SEMA5B: variants seen among roughly 807,000 people sequenced by gnomAD.
The protein encoded by SEMA5B is semaphorin-5B.
Under a neutral mutation model 135.0 loss-of-function variants are expected in SEMA5B, and 66 were observed. The ratio of observed to expected loss-of-function variants is 0.49; its 90% CI spans 0.40 to 0.60. The LOEUF (loss-of-function observed/expected upper bound fraction) is 0.60, where lower values mean the gene tolerates loss of function less well. SEMA5B is among the 20% of genes least tolerant of loss of function. The probability of loss-of-function intolerance (pLI) is 0.00; values close to 1 mark genes in which losing one functional copy is unlikely to be tolerated. For synonymous variants in SEMA5B, 690 were observed against 639.5 expected (o/e 1.08, Z -1.19); for missense variants, 1,501 against 1,566.3 (o/e 0.96, Z 0.70).
intron 8 of SEMA5B, among the ~76,000 whole-genome samples, chr3:122,927,542 A>G (rs541215031): frequency 6.6e-6 from 1 of 152,180 alleles, no homozygotes; most frequent in South Asian, 2.1e-4. Context: ...ATTCCTAATT[A>G]TCTCCGTCTC....
rs776019375 is a variant in SEMA5B at position 122,943,534 on chromosome 3, G to A, written c.330C>T (p.Asp110=). The change falls in exon 4 of 23, where the codon GAC becomes GAT. Residue 110 remains aspartate, a splice_region_variant and synonymous_variant. Transcript: ENST00000357599. ...LSKHPTVAFE[D]LQPWVSNFTY... ...TGAAGTTAGAGACCCACGGCTGCAG[G>A]TCTGGTGGAGGGAGAGGCAACCCTG... 1 of 1,603,862 alleles carries A rather than the reference G, an allele frequency of 6.2e-7. No individual in the cohort carries two copies. Among genetic ancestry groups the A allele is most frequent in the Admixed American group, 1.7e-5 (1 of 58,452 alleles).
chr3:122,997,877 G>C (rs1359059267), intron 1 of SEMA5B, among the ~76,000 whole-genome samples: 1 of 152,044 alleles, frequency 6.6e-6, no homozygotes, highest in Admixed American at 6.5e-5. Context: ...CTCCTCGCTG[G>C]GTCTTGTTAT....
intron 12 of SEMA5B, among the ~76,000 whole-genome samples, chr3:122,921,037 G>T (rs923705028): frequency 6.6e-6 from 1 of 152,030 alleles, no homozygotes; most frequent in Non-Finnish European, 1.5e-5. Flanking sequence ...GCTCCTCTTG[G>T]CCCCACAGGC....
intron 1 of SEMA5B, among the ~76,000 whole-genome samples, chr3:123,023,398 C>A (rs1461557928): frequency 6.6e-6 from 1 of 151,718 alleles, no homozygotes; most frequent in African/African-American, 2.4e-5. Context: ...CTGAATGAGG[C>A]AAAAGATGGT....
At chr3:122,969,227 A>AGCCG (rs1941010252) in intron 1 of SEMA5B, among the ~76,000 whole-genome samples, 1 of 152,214 alleles carries the variant, frequency 6.6e-6, no homozygotes, top group African/African-American at 2.4e-5. Context: ...GAAGTGGCAG[A>AGCCG]GCCGGATCTG....
At chr3:122,961,443 A>G in intron 1 of SEMA5B, 142 bp from the exon 2 acceptor site, 1 of 752,112 alleles carries the variant, frequency 1.3e-6, no homozygotes, top group African/African-American at 1.8e-5. Flanking sequence ...ACAAATCACC[A>G]CAGTAATGGC....
intron 1 of SEMA5B, among the ~76,000 whole-genome samples, chr3:123,023,345 C>CAG (rs937918226): frequency 3.3e-5 from 5 of 152,014 alleles, no homozygotes; most frequent in African/African-American, 1.2e-4. Flanking sequence ...CACACACACA[C>CAG]ACACACACAC....
rs764863234 is a variant in SEMA5B, at chr3:122,927,901, G to C, written c.739C>G (p.Leu247Val). Residue 247 changes from leucine (L) to valine (V), a missense_variant, in exon 8 of 23, where the codon CTC (leucine) becomes GTC (valine). This residue lies in a region of SEMA5B where 574 missense variants were observed against 684.7 expected (regional missense o/e 0.84). Transcript: ENST00000357599. ...AAGTCGATGACCGTGGCTGCATAGA[G>C]CTCCCCCTGGGAGGAGATGACAGCT... Reference protein sequence around the residue: ...STAVISSQGELYAATVIDFSG... With the variant: ...STAVISSQGEVYAATVIDFSG... The C allele has an allele frequency of 2.5e-6, 4 of 1,596,028 alleles. No homozygotes were observed. Among genetic ancestry groups the C allele is most frequent in the Non-Finnish European group, 3.4e-6 (4 of 1,170,626 alleles).
At chr3:122,935,478 G>C (rs948165422) in intron 5 of SEMA5B, among the ~76,000 whole-genome samples, 4 of 152,050 alleles carry the variant, frequency 2.6e-5, no homozygotes, top group Admixed American at 6.5e-5. Flanking sequence ...AAGGATTGCT[G>C]TTCAGGATGG....
At chr3:122,951,968 G>A (rs1365776731) in intron 2 of SEMA5B, among the ~76,000 whole-genome samples, 1 of 152,224 alleles carries the variant, frequency 6.6e-6, no homozygotes, top group Non-Finnish European at 1.5e-5. Flanking sequence ...CTGAATGGCT[G>A]CAAGCCTCCA....
intron 4 of SEMA5B, among the ~76,000 whole-genome samples, chr3:122,941,706 G>A (rs375499717): frequency 5.9e-4 from 90 of 152,294 alleles, no homozygotes; most frequent in Admixed American, 1.1e-3. Context: ...TAGAGTCTTC[G>A]GATGCTACCA....
At chr3:122,932,493 A>AATATCCCTATC (rs1162571349) in intron 5 of SEMA5B, among the ~76,000 whole-genome samples, 42 of 152,098 alleles carry the variant, frequency 2.8e-4, no homozygotes, top group Admixed American at 1.2e-3. Flanking sequence ...CAACTAAAGA[A>AATATCCCTATC]ATATCCCTAT....
At chr3:123,010,799 T>C (rs1165858073) in intron 1 of SEMA5B, among the ~76,000 whole-genome samples, 2 of 116,030 alleles carry the variant, frequency 1.7e-5, no homozygotes, top group African/African-American at 3.9e-5. Flanking sequence ...ACAGAGTGAG[T>C]CTCCATCTCA....
At chr3:122,922,969 G>C (rs747730610) in intron 10 of SEMA5B, among the ~76,000 whole-genome samples, 1 of 152,170 alleles carries the variant, frequency 6.6e-6, no homozygotes, top group Non-Finnish European at 1.5e-5. Flanking sequence ...TTCCAGATAA[G>C]GAAAAGGAGA....
At chr3:122,975,068 A>G (rs1180479562) in intron 1 of SEMA5B, 2 of 152,212 alleles carry the variant, frequency 1.3e-5, no homozygotes, top group African/African-American at 4.8e-5. Context: ...CAGCAGAGAA[A>G]TGGAAGGGAG....
At chr3:123,013,403 A>G (rs991351172) in intron 1 of SEMA5B, among the ~76,000 whole-genome samples, 1 of 152,192 alleles carries the variant, frequency 6.6e-6, no homozygotes, top group Admixed American at 6.5e-5. Context: ...TTCACTTGGT[A>G]CCTTGAGGTC....
chr3:122,939,217 C>T (rs928085324), intron 5 of SEMA5B, among the ~76,000 whole-genome samples: 6 of 152,180 alleles, frequency 3.9e-5, no homozygotes, highest in Non-Finnish European at 5.9e-5. Flanking sequence ...TGTGCCTCTG[C>T]GTATATGTGA....
chr3:122,916,843 C>A (rs1180393952), intron 12 of SEMA5B, among the ~76,000 whole-genome samples: 5 of 152,178 alleles, frequency 3.3e-5, no homozygotes, highest in African/African-American at 4.8e-5. Context: ...GGTCACATCC[C>A]AGTTCTCGGT....
intron 21 of SEMA5B, 116 bp downstream of exon 21, chr3:122,911,375 G>A: frequency 6.4e-7 from 1 of 1,551,642 alleles, no homozygotes; most frequent in Non-Finnish European, 8.7e-7. Flanking sequence ...CAAAGCAGTG[G>A]GGACCCCAAC....
Sources: allele counts gnomAD v4.1 joint callset (sites outside exome capture counted in the v4.1 genomes callset), GRCh38; gene constraint gnomAD v4.1.1; regional missense constraint gnomAD v4.1.1; transcripts MANE v1.5; gene names NCBI Gene and HGNC (gene_info 2026-07-23, HGNC 2026-07-21).